TET2: variants seen among roughly 807,000 people sequenced by gnomAD.
The protein encoded by TET2 is tet methylcytosine dioxygenase 2.
A neutral mutation model predicts 142.9 loss-of-function variants in TET2; 299 were observed. The ratio of observed to expected loss-of-function variants is 2.09; its 90% CI spans 1.90 to 2.30. The LOEUF is 2.30. TET2 is among the 30% of genes most tolerant of loss of function. The pLI, the probability that TET2 is intolerant of heterozygous loss-of-function variation, is 0.00. For missense variants in TET2, 2,418 were observed against 2,378.0 expected (o/e 1.02, Z -0.35); for synonymous variants, 819 against 849.0 (o/e 0.96, Z 0.61).
At chr4:105,227,892 T>C (rs2110611720) in intron 2 of TET2, among the ~76,000 whole-genome samples, 1 of 152,276 alleles carries the variant, frequency 6.6e-6, no homozygotes, top group East Asian at 1.9e-4. Flanking sequence ...TCTTTGAAGA[T>C]TTTTTTATCT....
intron 1 of TET2, among the ~76,000 whole-genome samples, chr4:105,161,107 A>G (rs1723835356): frequency 6.6e-6 from 1 of 152,184 alleles, no homozygotes; most frequent in South Asian, 2.1e-4. Flanking sequence ...GGAATAATTT[A>G]AATATTATCT....
rs944499646 is a variant in TET2 at position 105,254,433 on chromosome 4, C to T, written c.3804-5186C>T. On this transcript the variant is annotated intron_variant, in intron 6 of 10. Transcript: ENST00000380013. ...TCTTTATTATCCTTTGTTTTTGAGACAGGGTCTCACTCTGGTTGCCCAGGC... is the reference window on the plus strand; with the variant it reads ...TCTTTATTATCCTTTGTTTTTGAGATAGGGTCTCACTCTGGTTGCCCAGGC... 3.9e-5 allele frequency among the ~76,000 whole-genome samples: 6 copies of T among 152,116 alleles called. No individual in the cohort carries two copies. In the East Asian group the frequency reaches 1.2e-3, roughly 29 times the overall value.
intron 6 of TET2, among the ~76,000 whole-genome samples, chr4:105,250,973 C>T (rs556784821): frequency 1.4e-4 from 21 of 152,264 alleles, no homozygotes; most frequent in Non-Finnish European, 2.5e-4. Context: ...TGAGCCACCA[C>T]GCCTGGCCTG....
intron 6 of TET2, among the ~76,000 whole-genome samples, chr4:105,259,044 G>A (rs1272108549): frequency 6.6e-6 from 1 of 152,074 alleles, no homozygotes; most frequent in Admixed American, 6.6e-5. Flanking sequence ...ACACAAATAA[G>A]CTTATATTAT....
chr4:105,201,232 A>G (rs1230669766), intron 2 of TET2, among the ~76,000 whole-genome samples: 1 of 152,194 alleles, frequency 6.6e-6, no homozygotes, highest in East Asian at 1.9e-4. Context: ...AGCTGGATAA[A>G]TTAACCTATT....
At chr4:105,172,820 T>C (rs1724552015) in intron 1 of TET2, among the ~76,000 whole-genome samples, 1 of 152,216 alleles carries the variant, frequency 6.6e-6, no homozygotes, top group Non-Finnish European at 1.5e-5. Flanking sequence ...ATTAACTCTT[T>C]AAGCAACTTA....
chr4:105,241,733 A>G, intron 4 of TET2: 2 of 1,257,498 alleles, frequency 1.6e-6, no homozygotes, highest in Non-Finnish European at 2.0e-6. Context: ...CACAGGCTCC[A>G]ACGAGAGGTC....
At chr4:105,209,468 G>C (rs1265070471) in intron 2 of TET2, among the ~76,000 whole-genome samples, 1 of 151,920 alleles carries the variant, frequency 6.6e-6, no homozygotes, top group African/African-American at 2.4e-5. Context: ...TTCTAGACTA[G>C]AGATCAAAAT....
At position 105,243,733 on chromosome 4, in the gene TET2, G is replaced by A. The variant is rs1729435418; in HGVS notation, c.3758G>A (p.Arg1253Lys). ...KLYSELTETL[R>K]KYGTLTNRRC... ...TACTCGGAGCTTACCGAGACGCTGA[G>A]GAAATACGGCACGCTCACCAATCGC... Residue 1253 changes from arginine (R) to lysine (K), a missense_variant, in exon 6 of 11, where the codon AGG becomes AAG. By Grantham distance (26) the Arg-to-Lys change is conservative. Coordinates refer to ENST00000380013, the MANE Select transcript of TET2 (RefSeq NM_001127208.3). 1 of 1,551,444 alleles carries A rather than the reference G, an allele frequency of 6.4e-7. No homozygotes were observed. The highest frequency in any genetic ancestry group is 8.7e-7 in the Non-Finnish European group (1 of 1,146,884).
chr4:105,189,381 A>T (rs1725653110), intron 1 of TET2, among the ~76,000 whole-genome samples: 1 of 152,190 alleles, frequency 6.6e-6, no homozygotes, highest in African/African-American at 2.4e-5. Context: ...TATATTCAGG[A>T]CAATGGACCA....
chr4:105,227,349 C>G (rs943897778), intron 2 of TET2, among the ~76,000 whole-genome samples: 1 of 152,304 alleles, frequency 6.6e-6, no homozygotes, highest in African/African-American at 2.4e-5. Flanking sequence ...GATTGGCCAG[C>G]ATCCTCTTAG....
chr4:105,150,390 GGAAA>G (rs1484802824), intron 1 of TET2, among the ~76,000 whole-genome samples: 1 of 152,110 alleles, frequency 6.6e-6, no homozygotes, highest in African/African-American at 2.4e-5. Flanking sequence ...TCAAATCGCT[GGAAA>G]GAGTCATCTT....
chr4:105,197,764 A>G (rs773844147), intron 2 of TET2, among the ~76,000 whole-genome samples: 10 of 152,248 alleles, frequency 6.6e-5, no homozygotes, highest in Admixed American at 1.3e-4. Flanking sequence ...GAACAAAATA[A>G]AATCATATAT....
upstream of TET2, chr4:105,146,694 A>T (rs1473597108): frequency 6.6e-6 from 1 of 152,028 alleles, no homozygotes; most frequent in African/African-American, 2.4e-5. Context: ...CGGCAGTGGC[A>T]GCGGCGAGAG....
intron 6 of TET2, among the ~76,000 whole-genome samples, chr4:105,256,889 C>CT (rs904372206): frequency 1.3e-5 from 2 of 152,102 alleles, no homozygotes; most frequent in African/African-American, 4.8e-5. Flanking sequence ...AGTTATTACA[C>CT]TTTCAGCTTT....
intron 1 of TET2, among the ~76,000 whole-genome samples, chr4:105,158,583 AGTGT>A (rs1418732459): frequency 3.9e-5 from 6 of 152,184 alleles, no homozygotes; most frequent in Admixed American, 2.0e-4. Context: ...TTGCCTACTT[AGTGT>A]ATATCTCTGG....
At chr4:105,180,904 G>T (rs1725083600) in intron 1 of TET2, among the ~76,000 whole-genome samples, 1 of 152,136 alleles carries the variant, frequency 6.6e-6, no homozygotes, top group Admixed American at 6.5e-5. Context: ...CTCCCAAAGT[G>T]CTGGAATTAC....
chr4:105,215,322 T>A (rs961651861), intron 2 of TET2, among the ~76,000 whole-genome samples: 1 of 152,164 alleles, frequency 6.6e-6, no homozygotes, highest in Non-Finnish European at 1.5e-5. Context: ...AATAGGTTAT[T>A]TCAGTGTCTC....
chr4:105,167,376 A>T (rs1487752617), intron 1 of TET2, among the ~76,000 whole-genome samples: 4 of 152,038 alleles, frequency 2.6e-5, no homozygotes, highest in Non-Finnish European at 4.4e-5. Context: ...ATGTGTACAC[A>T]TATACATATG....
Sources: allele counts gnomAD v4.1 joint callset (sites outside exome capture counted in the v4.1 genomes callset), GRCh38; gene constraint gnomAD v4.1.1; transcripts MANE v1.5; gene names NCBI Gene and HGNC (gene_info 2026-07-23, HGNC 2026-07-21).